The following BCAR3 variants were observed in gnomAD, a reference collection of about 807,000 sequenced individuals.
The protein encoded by BCAR3 is breast cancer anti-estrogen resistance protein 3.
BCAR3 carries 37 observed loss-of-function variants against 80.1 expected under a neutral mutation model. The observed-to-expected ratio is 0.46, with a 90% CI of 0.36 to 0.61. The LOEUF is 0.61. Ranked by LOEUF, BCAR3 falls within the 20% of genes least tolerant of loss-of-function variation. BCAR3 has a pLI of 0.00. For synonymous variants in BCAR3, 389 were observed against 418.9 expected (o/e 0.93, Z 0.87); for missense variants, 978 against 1,068.2 (o/e 0.92, Z 1.18).
At chr1:93,806,422 A>G (rs1653654500) in intron 2 of BCAR3, among the ~76,000 whole-genome samples, 1 of 152,218 alleles carries the variant, frequency 6.6e-6, no homozygotes, top group African/African-American at 2.4e-5. Context: ...GGGTGAAACT[A>G]TGCAAGAACA....
intron 3 of BCAR3, among the ~76,000 whole-genome samples, chr1:93,693,927 G>A (rs1649291113): frequency 6.6e-6 from 1 of 152,200 alleles, no homozygotes; most frequent in South Asian, 2.1e-4. Context: ...GAGCCCCTGA[G>A]CACCTACTCT....
intron 3 of BCAR3, among the ~76,000 whole-genome samples, chr1:93,701,083 G>C (rs1195307998): frequency 6.6e-6 from 1 of 152,214 alleles, no homozygotes; most frequent in Non-Finnish European, 1.5e-5. Flanking sequence ...TCACCTCTCT[G>C]CTCCTGTTTC....
intron 3 of BCAR3, among the ~76,000 whole-genome samples, chr1:93,619,304 G>C (rs963070863): frequency 1.3e-5 from 2 of 151,844 alleles, no homozygotes; most frequent in African/African-American, 4.8e-5. Flanking sequence ...GATGAGGAAG[G>C]GGCTTTACTG....
chr1:93,570,055 C>T (rs937196593), intron 9 of BCAR3, among the ~76,000 whole-genome samples: 2 of 152,154 alleles, frequency 1.3e-5, no homozygotes, highest in Non-Finnish European at 2.9e-5. Context: ...AACTTATGGG[C>T]TGCTTATTTC....
At chr1:93,719,263 T>C (rs1650298796) in intron 2 of BCAR3, among the ~76,000 whole-genome samples, 1 of 152,056 alleles carries the variant, frequency 6.6e-6, no homozygotes, top group Admixed American at 6.5e-5. Flanking sequence ...GAGGGCCCTC[T>C]ATTGCATCAG....
intron 7 of BCAR3, among the ~76,000 whole-genome samples, chr1:93,581,643 G>C (rs955926634): frequency 6.6e-6 from 1 of 152,110 alleles, no homozygotes; most frequent in African/African-American, 2.4e-5. Context: ...CCTGACCTCA[G>C]GTGATCCACC....
intron 2 of BCAR3, among the ~76,000 whole-genome samples, chr1:93,647,301 C>A (rs1397606520): frequency 6.6e-6 from 1 of 152,140 alleles, no homozygotes; most frequent in African/African-American, 2.4e-5. Context: ...GAAGCCTAAT[C>A]AAATTTGCTG....
At chr1:93,577,587 A>G (rs1673507879) in intron 7 of BCAR3, among the ~76,000 whole-genome samples, 2 of 152,212 alleles carry the variant, frequency 1.3e-5, no homozygotes, top group African/African-American at 2.4e-5. Flanking sequence ...CCTAAAAGCT[A>G]CCTGAAAATA....
At chr1:93,630,477 T>TA (rs1570986729) in intron 3 of BCAR3, among the ~76,000 whole-genome samples, 1 of 146,226 alleles carries the variant, frequency 6.8e-6, no homozygotes, top group East Asian at 2.0e-4. Context: ...AAAAAAAAAA[T>TA]ACAAAAATCA....
chr1:93,728,235 G>C (rs1166966646), intron 2 of BCAR3, among the ~76,000 whole-genome samples: 1 of 152,244 alleles, frequency 6.6e-6, no homozygotes, highest in African/African-American at 2.4e-5. Context: ...CTCGCAGGGC[G>C]TGTGACAGGG....
chr1:93,776,679 C>T (rs529809110), intron 2 of BCAR3, among the ~76,000 whole-genome samples: 1 of 152,256 alleles, frequency 6.6e-6, no homozygotes, highest in East Asian at 1.9e-4. Flanking sequence ...ATTCTACTGC[C>T]TGTGGTATTT....
At chr1:93,638,598 T>C (rs1468305094) in intron 3 of BCAR3, among the ~76,000 whole-genome samples, 2 of 152,182 alleles carry the variant, frequency 1.3e-5, no homozygotes, top group East Asian at 3.9e-4. Flanking sequence ...TGTTTGGTTT[T>C]ATCTAGGGTA....
At chr1:93,767,087 T>C (rs761270161) in intron 2 of BCAR3, among the ~76,000 whole-genome samples, 8 of 152,152 alleles carry the variant, frequency 5.3e-5, no homozygotes, top group African/African-American at 7.2e-5. Flanking sequence ...TTTGAAGTAG[T>C]TGACTGATTT....
chr1:93,675,048 A>C, intron 1 of BCAR3, 107 bp from the exon 2 acceptor site: 1 of 928,184 alleles, frequency 1.1e-6, no homozygotes, highest in South Asian at 1.9e-5. Context: ...TGAAATATTC[A>C]CAGACCATTA....
chr1:93,812,283 C>A (rs182336882), intron 2 of BCAR3, among the ~76,000 whole-genome samples: 1 of 152,086 alleles, frequency 6.6e-6, no homozygotes, highest in Non-Finnish European at 1.5e-5. Context: ...CAGGCCCTTC[C>A]GTCCCAGGAA....
intron 3 of BCAR3, among the ~76,000 whole-genome samples, chr1:93,697,075 C>T (rs1649438449): frequency 6.6e-6 from 1 of 152,232 alleles, no homozygotes; most frequent in Middle Eastern, 3.2e-3. Context: ...AGCAGGACCA[C>T]CCAGGTACAG....
At chr1:93,587,893 A>G (rs906192233) in intron 5 of BCAR3, among the ~76,000 whole-genome samples, 1 of 152,152 alleles carries the variant, frequency 6.6e-6, no homozygotes, top group African/African-American at 2.4e-5. Context: ...GCTCTGTGAA[A>G]GACGGGCCCT....
upstream of BCAR3, chr1:93,847,638 T>C (rs1557710113): frequency 6.6e-6 from 1 of 152,502 alleles, no homozygotes; most frequent in Admixed American, 6.5e-5. Flanking sequence ...AGGTTCCGGG[T>C]TCGAGTCCCG....
chr1:93,612,068 C>T (rs545026860), intron 3 of BCAR3, among the ~76,000 whole-genome samples: 2 of 152,134 alleles, frequency 1.3e-5, no homozygotes, highest in South Asian at 2.1e-4. Flanking sequence ...GTCAATAAAG[C>T]GACTCGGCAT....
Sources: gnomAD v4.1 joint callset for allele counts (sites outside exome capture counted in the v4.1 genomes callset) on GRCh38, gnomAD v4.1.1 for gene constraint, MANE v1.5 for transcripts, NCBI Gene and HGNC (gene_info 2026-07-23, HGNC 2026-07-21) for gene names.